PDE10A: variants seen among roughly 807,000 people sequenced by gnomAD.
PDE10A encodes phosphodiesterase 10A, also known as cAMP and cAMP-inhibited cGMP 3',5'-cyclic phosphodiesterase 10A.
A neutral mutation model predicts 97.7 loss-of-function variants in PDE10A; 39 were observed. That is an observed-to-expected ratio of 0.40 (90% CI 0.31 to 0.52). The LOEUF is 0.52. Among genes scored for constraint, PDE10A ranks in the 20% least tolerant of loss-of-function variants. The pLI, the probability that PDE10A is intolerant of heterozygous loss-of-function variation, is 0.56. For missense variants in PDE10A, 731 were observed against 1,047.8 expected, an observed-to-expected ratio of 0.70 and a Z score of 4.17; for synonymous variants, 371 against 376.8, an observed-to-expected ratio of 0.98 and a Z score of 0.18.
intron 1 of PDE10A, among the ~76,000 whole-genome samples, chr6:165,763,848 T>C (rs1793310196): frequency 6.6e-6 from 1 of 152,250 alleles, no homozygotes; most frequent in Admixed American, 6.5e-5. Flanking sequence ...AATTGCTACC[T>C]CGTATTGAAT....
chr6:165,345,148 T>C (rs1229989048), intron 18 of PDE10A, among the ~76,000 whole-genome samples: 1 of 152,188 alleles, frequency 6.6e-6, no homozygotes, highest in African/African-American at 2.4e-5. Context: ...CAAAATAACG[T>C]ATATCATGGT....
chr6:165,979,467 C>T (rs1784945816), intron 1 of PDE10A, among the ~76,000 whole-genome samples: 1 of 152,180 alleles, frequency 6.6e-6, no homozygotes, highest in Non-Finnish European at 1.5e-5. Flanking sequence ...GAATAAAAAA[C>T]TTTCACAACT....
intron 2 of PDE10A, among the ~76,000 whole-genome samples, chr6:165,498,733 A>C (rs933909617): frequency 6.6e-6 from 1 of 152,154 alleles, no homozygotes; most frequent in Non-Finnish European, 1.5e-5. Flanking sequence ...AAATTGTCTC[A>C]TTTTGAAGAA....
intron 1 of PDE10A, among the ~76,000 whole-genome samples, chr6:165,957,523 T>A (rs1784170718): frequency 6.6e-6 from 1 of 152,184 alleles, no homozygotes; most frequent in African/African-American, 2.4e-5. Flanking sequence ...AAAATATATA[T>A]GATTAATAAT....
intron 1 of PDE10A, among the ~76,000 whole-genome samples, chr6:165,872,374 A>G (rs1381254148): frequency 6.6e-6 from 1 of 152,064 alleles, no homozygotes; most frequent in Non-Finnish European, 1.5e-5. Context: ...CCATTGTCAC[A>G]TGTGGTGGGT....
intron 1 of PDE10A, among the ~76,000 whole-genome samples, chr6:165,600,992 C>T (rs943621132): frequency 2.6e-5 from 4 of 152,196 alleles, no homozygotes; most frequent in Non-Finnish European, 5.9e-5. Context: ...GGTTTGGCTA[C>T]GTCCCCACCC....
intron 18 of PDE10A, among the ~76,000 whole-genome samples, chr6:165,367,069 C>G (rs1783818874): frequency 6.6e-6 from 1 of 152,054 alleles, no homozygotes; most frequent in South Asian, 2.1e-4. Flanking sequence ...ATTCAGACAA[C>G]AATCTCTAAA....
At chr6:165,620,054 T>A (rs3008022) in intron 1 of PDE10A, among the ~76,000 whole-genome samples, 25,257 of 151,816 alleles carry the variant, frequency 0.17, 2,837 homozygotes, top group African/African-American at 0.32. Flanking sequence ...TTCAAGAAGC[T>A]GAGACCACAT....
At chr6:165,365,157 T>C (rs937967491) in intron 18 of PDE10A, among the ~76,000 whole-genome samples, 8 of 152,078 alleles carry the variant, frequency 5.3e-5, no homozygotes, top group Admixed American at 1.3e-4. Flanking sequence ...AAATGGATTA[T>C]ATAAGAAAGG....
At chr6:165,387,405 T>C (rs1785386314) in intron 17 of PDE10A, among the ~76,000 whole-genome samples, 1 of 152,096 alleles carries the variant, frequency 6.6e-6, no homozygotes, top group Non-Finnish European at 1.5e-5. Flanking sequence ...GAGGAGGCAC[T>C]AAGAGAAGCC....
chr6:165,475,708 T>C (rs170279), intron 3 of PDE10A, among the ~76,000 whole-genome samples: 151,148 of 152,348 alleles, frequency 0.99, 74,978 homozygotes, highest in East Asian at 1. Context: ...TAGAAACACA[T>C]GGAATAGAAA....
chr6:165,675,446 G>GA (rs545387040), intron 1 of PDE10A, among the ~76,000 whole-genome samples: 2 of 152,188 alleles, frequency 1.3e-5, no homozygotes, highest in Non-Finnish European at 2.9e-5. Flanking sequence ...TTGAGAAAGA[G>GA]AAAAAAGCTT....
At chr6:165,844,398 A>G (rs1334842852) in intron 1 of PDE10A, among the ~76,000 whole-genome samples, 2 of 152,232 alleles carry the variant, frequency 1.3e-5, no homozygotes, top group African/African-American at 4.8e-5. Flanking sequence ...CGAAGGCTTC[A>G]GAGAAAAGTG....
At chr6:165,499,698 CTATA>C (rs1031425104) in intron 2 of PDE10A, among the ~76,000 whole-genome samples, 14 of 152,056 alleles carry the variant, frequency 9.2e-5, no homozygotes, top group African/African-American at 3.4e-4. Context: ...TGAAAGAAAA[CTATA>C]TATAGTATTA....
intron 1 of PDE10A, among the ~76,000 whole-genome samples, chr6:165,620,527 T>C (rs1456345584): frequency 6.6e-6 from 1 of 152,122 alleles, no homozygotes; most frequent in Non-Finnish European, 1.5e-5. Context: ...TGGTGAAACA[T>C]TGTGCAGAGC....
intron 1 of PDE10A, among the ~76,000 whole-genome samples, chr6:165,585,544 A>C (rs1030182886): frequency 6.6e-6 from 1 of 152,172 alleles, no homozygotes; most frequent in African/African-American, 2.4e-5. Context: ...AGGGGATGTG[A>C]AAATAGAGGC....
intron 21 of PDE10A, among the ~76,000 whole-genome samples, chr6:165,333,573 T>C (rs907602964): frequency 1.3e-5 from 2 of 152,190 alleles, no homozygotes; most frequent in African/African-American, 2.4e-5. Flanking sequence ...CTAAACCTCA[T>C]CATCTTACAC....
chr6:165,530,161 C>T (rs1207899472), intron 2 of PDE10A, among the ~76,000 whole-genome samples: 1 of 152,086 alleles, frequency 6.6e-6, no homozygotes, highest in Non-Finnish European at 1.5e-5. Flanking sequence ...CCAGGTTCTT[C>T]AGTTTTGGGA....
intron 1 of PDE10A, among the ~76,000 whole-genome samples, chr6:165,736,470 C>G (rs1206320880): frequency 6.6e-6 from 1 of 152,142 alleles, no homozygotes; most frequent in Non-Finnish European, 1.5e-5. Context: ...GAAGTGAGCA[C>G]CAACTTCACT....
Sources: gnomAD v4.1 joint callset for allele counts (sites outside exome capture counted in the v4.1 genomes callset) on GRCh38, gnomAD v4.1.1 for gene constraint, MANE v1.5 for transcripts, NCBI Gene and HGNC (gene_info 2026-07-23, HGNC 2026-07-21) for gene names.